The following PTPRD variants were observed in gnomAD, a reference collection of about 807,000 sequenced individuals.
PTPRD encodes the protein protein tyrosine phosphatase receptor type D, also known as receptor-type tyrosine-protein phosphatase delta.
A neutral mutation model predicts 214.5 loss-of-function variants in PTPRD; 34 were observed. The ratio of observed to expected loss-of-function variants is 0.16; its 90% confidence interval spans 0.12 to 0.21. PTPRD has a LOEUF of 0.21. PTPRD is among the 10% of genes least tolerant of loss of function. The pLI is 1.00. For synonymous variants in PTPRD, 1,128 were observed against 845.7 expected (o/e 1.33, Z -5.79); for missense variants, 2,545 against 2,398.7 (o/e 1.06, Z -1.27).
chr9:9,228,606 C>A (rs1230968721), intron 9 of PTPRD, among the ~76,000 whole-genome samples: 1 of 151,800 alleles, frequency 6.6e-6, no homozygotes, highest in African/African-American at 2.4e-5. Context: ...CATTTTGATG[C>A]CTTGCTAGTT....
At chr9:8,834,369 T>C (rs2097366795) in intron 11 of PTPRD, among the ~76,000 whole-genome samples, 1 of 152,146 alleles carries the variant, frequency 6.6e-6, no homozygotes, top group Non-Finnish European at 1.5e-5. Flanking sequence ...AGTGTTTCTT[T>C]TTTATAGATA....
chr9:9,847,593 A>G (rs2059776753), intron 5 of PTPRD, among the ~76,000 whole-genome samples: 1 of 152,106 alleles, frequency 6.6e-6, no homozygotes, highest in African/African-American at 2.4e-5. Context: ...CTTTACAGGA[A>G]AACAAAACAA....
intron 7 of PTPRD, among the ~76,000 whole-genome samples, chr9:9,642,674 A>G (rs2096007026): frequency 6.6e-6 from 1 of 152,196 alleles, no homozygotes; most frequent in Non-Finnish European, 1.5e-5. Flanking sequence ...TAGTACTGCT[A>G]CTCAGATATG....
intron 7 of PTPRD, among the ~76,000 whole-genome samples, chr9:9,582,874 A>T (rs2154316099): frequency 6.6e-6 from 1 of 152,206 alleles, no homozygotes; most frequent in East Asian, 1.9e-4. Flanking sequence ...CCTACTGGAA[A>T]GAAGATAAAG....
chr9:9,067,728 G>C (rs2099737124), intron 10 of PTPRD, among the ~76,000 whole-genome samples: 1 of 152,136 alleles, frequency 6.6e-6, no homozygotes, highest in Admixed American at 6.5e-5. Context: ...GTTTCTCTCA[G>C]TGGTAACATC....
At chr9:10,160,055 T>C (rs960391522) in intron 3 of PTPRD, among the ~76,000 whole-genome samples, 1 of 151,924 alleles carries the variant, frequency 6.6e-6, no homozygotes, top group East Asian at 1.9e-4. Context: ...GCTGAATGGA[T>C]AAAGAAACAA....
In PTPRD at chr9:10,098,687, C is replaced by T. The variant is rs185332768; in HGVS notation, c.-544-64897G>A. On this transcript the variant is annotated intron_variant, in intron 3 of 45. Transcript: ENST00000381196. ...TTAGTTACTTCAAGTAACTTTCCTA[C>T]TTCAGTCAGTTTTTAATGTTCTAAA... Among the ~76,000 whole-genome samples, 613 of 151,562 alleles carry T rather than the reference C, an allele frequency of 4.0e-3. 6 individuals are homozygous for T. Among genetic ancestry groups the T allele is most frequent in the African/African-American group, 9.0e-3 (371 of 41,254 alleles).
At chr9:10,095,153 T>C (rs1377100988) in intron 3 of PTPRD, among the ~76,000 whole-genome samples, 1 of 151,390 alleles carries the variant, frequency 6.6e-6, no homozygotes, top group Non-Finnish European at 1.5e-5. Context: ...ATATATGAAG[T>C]CTCACAATGA....
At chr9:8,968,016 T>C (rs1204858970) in intron 11 of PTPRD, among the ~76,000 whole-genome samples, 1 of 152,072 alleles carries the variant, frequency 6.6e-6, no homozygotes, top group East Asian at 1.9e-4. Context: ...TGGTTTTTTT[T>C]TCCCTGCGAT....
intron 8 of PTPRD, among the ~76,000 whole-genome samples, chr9:9,411,034 A>T (rs2075244920): frequency 6.6e-6 from 1 of 150,930 alleles, no homozygotes; most frequent in African/African-American, 2.5e-5. Flanking sequence ...ACAGCTGCAA[A>T]ACCTCTTTGT....
chr9:9,629,771 C>G (rs752216652), intron 7 of PTPRD, among the ~76,000 whole-genome samples: 1 of 152,084 alleles, frequency 6.6e-6, no homozygotes, highest in Non-Finnish European at 1.5e-5. Context: ...GAATTCAAAC[C>G]GCTAGAGACA....
intron 14 of PTPRD, among the ~76,000 whole-genome samples, chr9:8,606,695 T>C (rs2095233607): frequency 6.6e-6 from 1 of 152,198 alleles, no homozygotes; most frequent in African/African-American, 2.4e-5. Context: ...ATGAAAACAA[T>C]GCTAAACAGT....
intron 11 of PTPRD, among the ~76,000 whole-genome samples, chr9:8,791,577 T>C (rs988558205): frequency 4.9e-5 from 7 of 142,068 alleles, no homozygotes; most frequent in Admixed American, 2.9e-4. Flanking sequence ...TTCCAGGCTA[T>C]AGTGCAGTGG....
At chr9:10,222,115 T>C (rs1262705905) in intron 3 of PTPRD, among the ~76,000 whole-genome samples, 1 of 152,064 alleles carries the variant, frequency 6.6e-6, no homozygotes, top group Non-Finnish European at 1.5e-5. Flanking sequence ...TCTAGTTTTC[T>C]CTTATTACTG....
chr9:10,234,713 C>A (rs1329042565), intron 3 of PTPRD, among the ~76,000 whole-genome samples: 1 of 151,784 alleles, frequency 6.6e-6, no homozygotes, highest in Admixed American at 6.6e-5. Flanking sequence ...TGATCAAACT[C>A]TTTAATTTTG....
intron 5 of PTPRD, among the ~76,000 whole-genome samples, chr9:9,864,255 G>A (rs1426767961): frequency 2.0e-5 from 3 of 151,924 alleles, no homozygotes; most frequent in Admixed American, 1.3e-4. Context: ...GCAGTGAGCC[G>A]AGATCGCGCC....
chr9:9,612,999 C>A (rs1203487217), intron 7 of PTPRD, among the ~76,000 whole-genome samples: 1 of 151,482 alleles, frequency 6.6e-6, no homozygotes, highest in Non-Finnish European at 1.5e-5. Context: ...TATGAAGCCA[C>A]TGCTGATATT....
intron 9 of PTPRD, among the ~76,000 whole-genome samples, chr9:9,353,099 T>C (rs2052116432): frequency 6.6e-6 from 1 of 151,954 alleles, no homozygotes; most frequent in African/African-American, 2.4e-5. Flanking sequence ...TGCTATTCAA[T>C]GTTCACTAGA....
chr9:10,576,975 T>G (rs986719776), intron 2 of PTPRD, among the ~76,000 whole-genome samples: 5 of 152,174 alleles, frequency 3.3e-5, no homozygotes, highest in Non-Finnish European at 7.4e-5. Context: ...CTACTTTTTT[T>G]TTTAACATTT....
Sources: gnomAD v4.1 joint callset for allele counts (sites outside exome capture counted in the v4.1 genomes callset) on GRCh38, gnomAD v4.1.1 for gene constraint, MANE v1.5 for transcripts, NCBI Gene and HGNC (gene_info 2026-07-23, HGNC 2026-07-21) for gene names.